The following ELMOD3 variants were observed in gnomAD, a reference collection of about 807,000 sequenced individuals.
ELMOD3 encodes the protein ELMO domain-containing protein 3.
Under a neutral mutation model 47.4 loss-of-function variants are expected in ELMOD3, and 36 were observed. The ratio of observed to expected loss-of-function variants is 0.76; its 90% CI spans 0.58 to 1.00. The LOEUF (loss-of-function observed/expected upper bound fraction) is 1.00, where lower values mean the gene tolerates loss of function less well. Ranked by LOEUF, ELMOD3 falls within the 50% of genes least tolerant of loss-of-function variation. The pLI is 0.00. For synonymous variants in ELMOD3, 149 were observed against 183.5 expected (o/e 0.81, Z 1.52); for missense variants, 404 against 463.8 (o/e 0.87, Z 1.18).
At chr2:85,390,731 C>A (rs778211804) in intron 13 of ELMOD3, 29 bp from the exon 14 acceptor site, 15 of 1,548,786 alleles carry the variant, frequency 9.7e-6, no homozygotes, top group Non-Finnish European at 1.3e-5. Flanking sequence ...CCCCTCAAGC[C>A]TTCTGCTCCC....
At chr2:85,383,285 C>T (rs558145134) in intron 11 of ELMOD3, among the ~76,000 whole-genome samples, 13 of 150,972 alleles carry the variant, frequency 8.6e-5, no homozygotes, top group South Asian at 2.1e-4. Context: ...CCCACCACCA[C>T]GCCTGGCTAA....
In ELMOD3 at chr2:85,369,778, C is replaced by T. The variant is rs756870288; in HGVS notation, c.308C>T (p.Ser103Phe). ...ASSEQPGQLI[S>F]FSEALQHFQT... Reference sequence around the variant, plus strand: ...TCAGAGCAGCCTGGGCAGCTAATCTCCTTCAGTGAGGCCCTGCAGCACTTC... The same window carrying T: ...TCAGAGCAGCCTGGGCAGCTAATCTTCTTCAGTGAGGCCCTGCAGCACTTC... The change falls in exon 8 of 14, where the codon TCC becomes TTC. Residue 103 changes from serine (S) to phenylalanine (F), a missense_variant. Physicochemically the swap from Ser to Phe is radical, Grantham distance 155. Coordinates refer to ENST00000409013, the MANE Select transcript of ELMOD3 (RefSeq NM_001135022.2). 3 of 1,614,104 alleles carry T rather than the reference C, an allele frequency of 1.9e-6. No homozygotes were observed. In the South Asian group the frequency reaches 3.3e-5, roughly 18 times the overall value.
Position 85,371,150 on chromosome 2 carries a change from C to T in ELMOD3, c.425C>T (p.Pro142Leu), listed in dbSNP as rs948696959. 3.2e-5 allele frequency: 51 copies of T among 1,614,156 alleles called. No homozygotes were observed. Among genetic ancestry groups the T allele is most frequent in the African/African-American group, 8.0e-5 (6 of 74,956 alleles). The change falls in exon 9 of 14, where the codon CCT (proline) becomes CTT (leucine). Residue 142 changes from proline (P) to leucine (L), a missense_variant. Physicochemically the swap from Pro to Leu is moderately conservative, Grantham distance 98 (BLOSUM62 -3). Coordinates refer to ENST00000409013, the MANE Select transcript of ELMOD3 (RefSeq NM_001135022.2). ...LAALRHYLFGPPKLHQRLREE... is the reference protein window; with the variant it reads ...LAALRHYLFGLPKLHQRLREE... ...GCCCTCCGACACTACCTCTTCGGGC[C>T]TCCAAAGCTCCACCAGCGCCTTCGG...
Position 85,357,224 on chromosome 2 carries a change from A to G in ELMOD3, c.26A>G (p.His9Arg), listed in dbSNP as rs113684064. MNEKSCSF[H>R]SKEELRDGQG... is the part of the protein sequence containing the mutation. ...ATGAATGAAAAATCTTGCTCTTTCC[A>G]TAGTAAAGAAGAATTAAGAGATGGA... Residue 9 changes from histidine (H) to arginine (R), a missense_variant, in exon 4 of 14, where the codon CAT (histidine) becomes CGT (arginine). Transcript: ENST00000409013. The G allele has an allele frequency of 1.4e-5, 22 of 1,608,776 alleles. No individual in the cohort carries two copies. The highest frequency in any genetic ancestry group is 9.4e-5 in the African/African-American group (7 of 74,716).
intron 11 of ELMOD3, chr2:85,389,493 T>G (rs1006428352): frequency 1.6e-5 from 9 of 547,422 alleles, no homozygotes; most frequent in South Asian, 6.3e-5. Context: ...ACGGGGGTTA[T>G]GCACATCAGC....
Position 85,357,222 on chromosome 2 carries a change from C to G in ELMOD3, c.24C>G (p.Phe8Leu). ...TCATGAATGAAAAATCTTGCTCTTT[C>G]CATAGTAAAGAAGAATTAAGAGATG... MNEKSCS[F>L]HSKEELRDGQ... Residue 8 changes from phenylalanine (F) to leucine (L), a missense_variant, in exon 4 of 14, where the codon TTC (phenylalanine) becomes TTG (leucine). Physicochemically the swap from Phe to Leu is conservative, Grantham distance 22 (BLOSUM62 0). Transcript: ENST00000409013. 6.2e-7 allele frequency: 1 copy of G among 1,607,978 alleles called. No individual in the cohort carries two copies. Among genetic ancestry groups the G allele is most frequent in the South Asian group, 1.1e-5 (1 of 90,240 alleles).
chr2:85,361,687 T>G (rs1683966904), intron 4 of ELMOD3, among the ~76,000 whole-genome samples: 1 of 152,038 alleles, frequency 6.6e-6, no homozygotes, highest in Non-Finnish European at 1.5e-5. Context: ...CTCAGCACTT[T>G]GGGAGGCCGA....
rs182317741 is a variant in ELMOD3 at position 85,381,064 on chromosome 2, T to G, written c.738+3590T>G. Among the ~76,000 whole-genome samples, 338 of 152,324 alleles carry G rather than the reference T, an allele frequency of 2.2e-3. 4 individuals are homozygous for G. The highest frequency in any genetic ancestry group is 7.8e-3 in the African/African-American group (323 of 41,584). On this transcript the variant is annotated intron_variant, in intron 11 of 13. Coordinates refer to ENST00000409013, the MANE Select transcript of ELMOD3 (RefSeq NM_001135022.2). Reference sequence around the variant, plus strand: ...TTTTGGAACACATACCAATAACACATTTATACAAATACAGCCCAAAGAAAA... The same window carrying G: ...TTTTGGAACACATACCAATAACACAGTTATACAAATACAGCCCAAAGAAAA...
chr2:85,378,357 T>G (rs1390719278), intron 11 of ELMOD3, among the ~76,000 whole-genome samples: 3 of 152,238 alleles, frequency 2.0e-5, no homozygotes, highest in Non-Finnish European at 2.9e-5. Context: ...TGAGAACACA[T>G]GCCCGTGACA....
intron 5 of ELMOD3, 48 bp downstream of exon 5, chr2:85,362,308 G>A (rs746424411): frequency 4.4e-6 from 5 of 1,132,508 alleles, no homozygotes; most frequent in African/African-American, 3.0e-5. Flanking sequence ...CTTTTGTTGT[G>A]TGTTACTGTG....
At chr2:85,364,986 A>T (rs1227632055) in intron 6 of ELMOD3, among the ~76,000 whole-genome samples, 1 of 150,426 alleles carries the variant, frequency 6.6e-6, no homozygotes, top group African/African-American at 2.4e-5. Context: ...TTTTTAAAAA[A>T]TTTGAGATGG....
rs1196810727 is a variant in ELMOD3 at position 85,390,799 on chromosome 2, T to C, written c.983T>C (p.Leu328Pro). The change falls in exon 14 of 14, where the codon CTC becomes CCC. Residue 328 changes from leucine (L) to proline (P), a missense_variant. Physicochemically the swap from Leu to Pro is moderately conservative, Grantham distance 98. Coordinates refer to ENST00000409013, the MANE Select transcript of ELMOD3 (RefSeq NM_001135022.2). ...GCCAAGAAGAGCCCACGGCGGCTGC[T>C]CAAGACCCTGGAGCTGTACTTGGCC... The part of the protein sequence containing the change: ...VLAKKSPRRL[L>P]KTLELYLARV... The C allele has an allele frequency of 1.3e-6, 2 of 1,551,516 alleles. No individual in the cohort carries two copies. The highest frequency in any genetic ancestry group is 2.0e-5 in the Admixed American group (1 of 50,988).
rs1272240644 is a variant in ELMOD3 at position 85,376,901 on chromosome 2, G to A, written c.608-443G>A. 1 of 152,330 alleles carries A rather than the reference G, an allele frequency of 6.6e-6. No homozygotes were observed. The highest frequency in any genetic ancestry group is 2.4e-5 in the African/African-American group (1 of 41,444). The allele number at this position is 152,330 out of a possible 1,614,324, so 9.4% of individuals were successfully genotyped here. A position where few individuals can be genotyped will look rare whatever the true frequency, so the allele number is the denominator to read the frequency against. On this transcript the variant is annotated intron_variant, in intron 10 of 13. Transcript: ENST00000409013. This position sits in a 1 kb window ranked among gnomAD's most constrained non-coding sequence, Gnocchi z 4.2. The stretch of plus-strand genomic sequence containing the variant: ...GAATTCACCAGAGAGTCATTTCTCA[G>A]CTCTCAAGATTCCTAGTAAGTCTGT...
At chr2:85,358,877 G>C (rs1210058662) in intron 4 of ELMOD3, among the ~76,000 whole-genome samples, 1 of 152,068 alleles carries the variant, frequency 6.6e-6, no homozygotes, top group Non-Finnish European at 1.5e-5. Context: ...TGCTTCCTTG[G>C]GTATAACTGT....
At chr2:85,385,214 T>A (rs1573148869) in intron 11 of ELMOD3, among the ~76,000 whole-genome samples, 1 of 152,066 alleles carries the variant, frequency 6.6e-6, no homozygotes, top group East Asian at 1.9e-4. Flanking sequence ...GCATAGGTAA[T>A]GAGTAGTAGG....
chr2:85,371,206 C>A lies in ELMOD3; in HGVS notation c.481C>A (p.Gln161Lys). ...EERDLVLTIA[Q>K]CGLDSQDPVH... ...AAGGGACTTGGTCCTGACCATTGCT[C>A]AGTGTGAGTGCAATGCGAGCCCACA... Residue 161 changes from glutamine (Q) to lysine (K), a missense_variant, in exon 9 of 14, where the codon CAG (glutamine) becomes AAG (lysine). Transcript: ENST00000409013. 1 of 1,614,248 alleles carries A rather than the reference C, an allele frequency of 6.2e-7. No homozygotes were observed. The highest frequency in any genetic ancestry group is 1.6e-4 in the Middle Eastern group (1 of 6,062).
chr2:85,370,436 C>T (rs1010804774), intron 8 of ELMOD3, among the ~76,000 whole-genome samples: 2 of 149,236 alleles, frequency 1.3e-5, no homozygotes, highest in Admixed American at 1.3e-4. Context: ...AAAAAAAAAG[C>T]TGGGGAGCTT....
chr2:85,369,605 T>C (rs2104574125), intron 7 of ELMOD3, 134 bp from the exon 8 acceptor site: 1 of 867,184 alleles, frequency 1.2e-6, no homozygotes, highest in Non-Finnish European at 1.8e-6. Context: ...AGAAGATTGG[T>C]TGTAGCTGTA....
intron 4 of ELMOD3, among the ~76,000 whole-genome samples, chr2:85,359,765 GT>G (rs1328393770): frequency 6.6e-6 from 1 of 151,746 alleles, no homozygotes; most frequent in Admixed American, 6.6e-5. Flanking sequence ...GTTTTGTTTT[GT>G]TTTAATGAGT....
Sources: allele counts gnomAD v4.1 joint callset (sites outside exome capture counted in the v4.1 genomes callset), GRCh38; gene constraint gnomAD v4.1.1; non-coding constraint Gnocchi (gnomAD v3.1); transcripts MANE v1.5; gene names NCBI Gene and HGNC (gene_info 2026-07-23, HGNC 2026-07-21).